Variants in NXPE2 observed in about 807,000 individuals in gnomAD.
NXPE2 encodes neurexophilin and PC-esterase domain family member 2, also known as NXPE family member 2.
In NXPE2, 34 loss-of-function variants were observed where a neutral mutation model predicts 34.4. The ratio of observed to expected loss-of-function variants is 0.99; its 90% CI spans 0.75 to 1.31. The LOEUF (loss-of-function observed/expected upper bound fraction) is 1.31. Ranked by LOEUF, NXPE2 falls within the 40% of genes most tolerant of loss-of-function variation. The pLI is 0.00. For missense variants in NXPE2, 649 were observed against 672.5 expected (o/e 0.97, Z 0.39); for synonymous variants, 235 against 231.3 (o/e 1.02, Z -0.15).
At chr11:114,741,274 G>A in the NXPE2 span, among the ~76,000 whole-genome samples, 1 of 152,280 alleles carries the variant, frequency 6.6e-6, no homozygotes, top group African/African-American at 2.4e-5. Flanking sequence ...ATTTTTGACA[G>A]TTTGATTACA....
At chr11:114,714,135 T>G in the NXPE2 span, among the ~76,000 whole-genome samples, 16 of 152,276 alleles carry the variant, frequency 1.1e-4, no homozygotes, top group African/African-American at 3.9e-4. Flanking sequence ...TGATTTAGCA[T>G]CAACTATATG....
chr11:114,616,596 G>A, the NXPE2 span, among the ~76,000 whole-genome samples: 1 of 138,500 alleles, frequency 7.2e-6, no homozygotes, highest in East Asian at 2.0e-4. Context: ...AGTGGATAAT[G>A]AGTATTGCCT....
the NXPE2 span, among the ~76,000 whole-genome samples, chr11:114,791,676 G>A: frequency 6.6e-6 from 1 of 152,210 alleles, no homozygotes; most frequent in African/African-American, 2.4e-5. Context: ...GCAAAGATGG[G>A]AACAGCAGAT....
the NXPE2 span, among the ~76,000 whole-genome samples, chr11:114,722,311 C>T: frequency 6.6e-6 from 1 of 152,150 alleles, no homozygotes; most frequent in Admixed American, 6.6e-5. Flanking sequence ...TTCTCACTCT[C>T]TCTTGGCTGC....
chr11:114,545,546 G>T, the NXPE2 span, among the ~76,000 whole-genome samples: 4 of 152,180 alleles, frequency 2.6e-5, no homozygotes. Context: ...CCAATCAATG[G>T]TTGCCAGAGA....
the NXPE2 span, among the ~76,000 whole-genome samples, chr11:114,622,200 A>ACCTGGTGGATAATAAGTGTTGCCT: frequency 9.5e-6 from 1 of 104,830 alleles, no homozygotes; most frequent in African/African-American, 3.0e-5. Context: ...AACCACTATT[A>ACCTGGTGGATAATAAGTGTTGCCT]CCTGGTGGAT....
chr11:114,523,551 A>G, the NXPE2 span, among the ~76,000 whole-genome samples: 1 of 152,210 alleles, frequency 6.6e-6, no homozygotes, highest in Non-Finnish European at 1.5e-5. Flanking sequence ...CATTAAATAT[A>G]AAAACCTCAA....
the NXPE2 span, among the ~76,000 whole-genome samples, chr11:114,805,833 C>T: frequency 6.6e-6 from 1 of 152,230 alleles, no homozygotes; most frequent in Non-Finnish European, 1.5e-5. Flanking sequence ...TCTCTGACAG[C>T]TTTGAAGAGA....
At chr11:114,744,325 C>G in the NXPE2 span, among the ~76,000 whole-genome samples, 23 of 152,258 alleles carry the variant, frequency 1.5e-4, no homozygotes, top group South Asian at 4.6e-3. Flanking sequence ...GTAGATACAT[C>G]CTTAAACATA....
the NXPE2 span, among the ~76,000 whole-genome samples, chr11:114,533,120 T>A: frequency 6.6e-6 from 1 of 152,206 alleles, no homozygotes; most frequent in Non-Finnish European, 1.5e-5. Flanking sequence ...ATCCAAGGTA[T>A]GAGAATGATG....
the NXPE2 span, among the ~76,000 whole-genome samples, chr11:114,586,461 G>A: frequency 2.0e-5 from 3 of 151,998 alleles, no homozygotes; most frequent in African/African-American, 7.3e-5. Context: ...CCAAATACTG[G>A]GCCCCCAATC....
chr11:114,768,659 T>A, the NXPE2 span, among the ~76,000 whole-genome samples: 1 of 152,208 alleles, frequency 6.6e-6, no homozygotes, highest in Non-Finnish European at 1.5e-5. Flanking sequence ...AGGTATTTTA[T>A]TCTCTTTGTA....
chr11:114,572,130 G>T, the NXPE2 span, among the ~76,000 whole-genome samples: 1 of 152,078 alleles, frequency 6.6e-6, no homozygotes, highest in African/African-American at 2.4e-5. Flanking sequence ...GCTCCACTGG[G>T]TTGCGAGACT....
At chr11:114,621,191 A>C in the NXPE2 span, among the ~76,000 whole-genome samples, 2 of 152,118 alleles carry the variant, frequency 1.3e-5, no homozygotes, top group African/African-American at 4.8e-5. Flanking sequence ...GTGGGTAACC[A>C]CTGTTACCTG....
At chr11:114,753,987 TTGAC>T in the NXPE2 span, among the ~76,000 whole-genome samples, 48,083 of 151,872 alleles carry the variant, frequency 0.32, 8,315 homozygotes, top group East Asian at 0.43. Flanking sequence ...ATGTGCCACA[TTGAC>T]TGGGTTTGAA....
chr11:114,479,813 A>G, the NXPE2 span, among the ~76,000 whole-genome samples: 6 of 152,276 alleles, frequency 3.9e-5, no homozygotes, highest in Admixed American at 3.9e-4. Flanking sequence ...AGCCTGAGTA[A>G]TTTATAAAGA....
chr11:114,464,730 T>G, the NXPE2 span, among the ~76,000 whole-genome samples: 21 of 152,156 alleles, frequency 1.4e-4, no homozygotes, highest in Non-Finnish European at 2.6e-4. Flanking sequence ...TGCATTAATA[T>G]GAAGAATTTC....
At chr11:114,595,170 A>G in the NXPE2 span, among the ~76,000 whole-genome samples, 1 of 152,186 alleles carries the variant, frequency 6.6e-6, no homozygotes, top group Non-Finnish European at 1.5e-5. Context: ...GAACCACATC[A>G]TTACAGTGCC....
At chr11:114,528,954 C>G in the NXPE2 span, 7 of 453,708 alleles carry the variant, frequency 1.5e-5, no homozygotes, top group East Asian at 2.2e-4. Context: ...GGAACAGAAA[C>G]TTAACTGTGC....
Sources: allele counts gnomAD v4.1 joint callset (sites outside exome capture counted in the v4.1 genomes callset), GRCh38; gene constraint gnomAD v4.1.1; transcripts MANE v1.5; gene names NCBI Gene and HGNC (gene_info 2026-07-23, HGNC 2026-07-21).